FHIT: variants seen among roughly 807,000 people sequenced by gnomAD.
FHIT encodes fragile histidine triad diadenosine triphosphatase, also known as bis(5'-adenosyl)-triphosphatase.
A neutral mutation model predicts 17.9 loss-of-function variants in FHIT; 19 were observed. The ratio of observed to expected loss-of-function variants is 1.06; its 90% CI spans 0.74 to 1.56. The LOEUF is 1.56. FHIT is among the 40% of genes most tolerant of loss of function. FHIT has a pLI of 0.00. For synonymous variants in FHIT, 81 were observed against 69.7 expected (o/e 1.16, Z -0.81); for missense variants, 248 against 189.2 (o/e 1.31, Z -1.82).
intron 3 of FHIT, among the ~76,000 whole-genome samples, chr3:60,838,488 A>C (rs1553744307): frequency 2.0e-5 from 3 of 148,894 alleles, no homozygotes; most frequent in Non-Finnish European, 4.6e-5. Flanking sequence ...AAAAACAAAA[A>C]CAAACAAACA....
intron 2 of FHIT, among the ~76,000 whole-genome samples, chr3:61,137,582 C>T (rs2036954356): frequency 6.6e-6 from 1 of 152,216 alleles, no homozygotes; most frequent in Admixed American, 6.5e-5. Flanking sequence ...CCTGGGGCTA[C>T]AAAGGCCAGT....
At chr3:60,849,681 C>G (rs1703069860) in intron 3 of FHIT, among the ~76,000 whole-genome samples, 2 of 151,962 alleles carry the variant, frequency 1.3e-5, no homozygotes, top group Non-Finnish European at 2.9e-5. Context: ...AATGCCATTT[C>G]TGCCATTTAC....
chr3:60,261,954 T>G (rs1706327458), intron 5 of FHIT, among the ~76,000 whole-genome samples: 1 of 152,048 alleles, frequency 6.6e-6, no homozygotes, highest in African/African-American at 2.4e-5. Flanking sequence ...TTATTACCAT[T>G]AGACCATAAC....
chr3:60,714,320 A>C (rs12492849), intron 4 of FHIT, among the ~76,000 whole-genome samples: 127,982 of 151,740 alleles, frequency 0.84, 55,730 homozygotes, highest in East Asian at 1. Flanking sequence ...AACCCACAGC[A>C]AATATCATAC....
chr3:60,540,670 T>C (rs1424233645), intron 4 of FHIT, among the ~76,000 whole-genome samples: 1 of 152,188 alleles, frequency 6.6e-6, no homozygotes, highest in Non-Finnish European at 1.5e-5. Flanking sequence ...TTTTTTTCCT[T>C]ATTTTATATA....
At chr3:60,955,607 T>TATATATATATAC (rs1263115699) in intron 3 of FHIT, among the ~76,000 whole-genome samples, 1 of 11,546 alleles carries the variant, frequency 8.7e-5, no homozygotes, top group African/African-American at 2.3e-4. Context: ...CATATATATA[T>TATATATATATAC]ATATATATAT....
intron 3 of FHIT, among the ~76,000 whole-genome samples, chr3:60,939,678 A>G (rs1708329459): frequency 1.3e-5 from 2 of 152,196 alleles, no homozygotes; most frequent in African/African-American, 4.8e-5. Context: ...TATTTTTACT[A>G]CAGAAATTAT....
At chr3:60,495,172 G>C (rs2034245453) in intron 5 of FHIT, among the ~76,000 whole-genome samples, 1 of 151,838 alleles carries the variant, frequency 6.6e-6, no homozygotes, top group Admixed American at 6.6e-5. Context: ...ATTTTAACTG[G>C]AGTGAGATGA....
At position 60,712,627 on chromosome 3, in the gene FHIT, C is replaced by T. The variant is rs182645006; in HGVS notation, c.-18+109292G>A. On this transcript the variant is annotated intron_variant, in intron 4 of 9. Transcript: ENST00000492590. ...ACAAAAAAAGGCAAGGGTTGCAATC[C>T]TACTCTCTGATAAAACAGACTTTAA... 2.2e-4 allele frequency among the ~76,000 whole-genome samples: 33 copies of T among 152,150 alleles called. No individual in the cohort carries two copies. In the East Asian group the frequency reaches 6.2e-3, roughly 28 times the overall value.
At chr3:61,148,015 C>T (rs2107032941) in intron 2 of FHIT, among the ~76,000 whole-genome samples, 1 of 148,650 alleles carries the variant, frequency 6.7e-6, no homozygotes, top group Non-Finnish European at 1.5e-5. Context: ...CAGTTAAATA[C>T]ATATAGAAAG....
chr3:61,204,296 G>C (rs1394133832), intron 1 of FHIT, among the ~76,000 whole-genome samples: 1 of 152,106 alleles, frequency 6.6e-6, no homozygotes, highest in Non-Finnish European at 1.5e-5. Context: ...CTGGAATATG[G>C]TAATGATCTG....
intron 4 of FHIT, among the ~76,000 whole-genome samples, chr3:60,591,259 T>C (rs1293984293): frequency 1.3e-5 from 2 of 151,686 alleles, no homozygotes; most frequent in Non-Finnish European, 1.5e-5. Flanking sequence ...GCTCCCTAAT[T>C]GCCTCCCAAT....
intron 5 of FHIT, among the ~76,000 whole-genome samples, chr3:60,177,967 T>C (rs1202120008): frequency 6.6e-6 from 1 of 152,190 alleles, no homozygotes; most frequent in Non-Finnish European, 1.5e-5. Context: ...AAAAGAAAGT[T>C]AATAGTGTGA....
Position 60,860,769 on chromosome 3 carries a change from T to C in FHIT, c.-110-38758A>G. ...ATATATCAGGTATATATGATACATA[T>C]GTATCATATATCAGGTATATATGAT... On this transcript the variant is annotated intron_variant, in intron 3 of 9. Coordinates refer to ENST00000492590, the MANE Select transcript of FHIT (RefSeq NM_002012.4). Among the ~76,000 whole-genome samples, 3 of 3,044 alleles carry C rather than the reference T, an allele frequency of 9.9e-4. 1 individual carries two copies. The highest frequency in any genetic ancestry group is 0.015 in the Admixed American group (2 of 130). 2.0% of individuals were successfully genotyped at this position (3,044 alleles called of 152,430 possible).
rs185432340 is a variant in FHIT, at chr3:60,435,554, G to C, written c.103+101306C>G. On this transcript the variant is annotated intron_variant, in intron 5 of 9. Transcript: ENST00000492590. ...GGAAGCTAAAAGGCTAATACCTCCAGGGCACATAAAAGCTTAGGCCTTCTT... is the reference window on the plus strand; with the variant it reads ...GGAAGCTAAAAGGCTAATACCTCCACGGCACATAAAAGCTTAGGCCTTCTT... 2.2e-3 allele frequency among the ~76,000 whole-genome samples: 334 copies of C among 152,180 alleles called. 4 individuals are homozygous for C. Among genetic ancestry groups the C allele is most frequent in the Middle Eastern group, 0.01 (3 of 294 alleles).
At chr3:60,677,950 T>C (rs2040661179) in intron 4 of FHIT, among the ~76,000 whole-genome samples, 1 of 152,166 alleles carries the variant, frequency 6.6e-6, no homozygotes, top group Non-Finnish European at 1.5e-5. Flanking sequence ...AGATTGTGAG[T>C]GTACACTTCT....
chr3:60,927,376 C>G (rs1372253259), intron 3 of FHIT, among the ~76,000 whole-genome samples: 3 of 152,214 alleles, frequency 2.0e-5, no homozygotes, highest in Non-Finnish European at 4.4e-5. Flanking sequence ...TCCCAAAGTG[C>G]TGAGATTGCA....
intron 5 of FHIT, among the ~76,000 whole-genome samples, chr3:60,534,583 T>A (rs1367132196): frequency 6.6e-6 from 1 of 152,198 alleles, no homozygotes; most frequent in Non-Finnish European, 1.5e-5. Flanking sequence ...TGAGACTGTT[T>A]TAAATACTGC....
chr3:60,439,079 C>T (rs982213577), intron 5 of FHIT, among the ~76,000 whole-genome samples: 8 of 152,194 alleles, frequency 5.3e-5, no homozygotes, highest in African/African-American at 1.4e-4. Flanking sequence ...GAAATCTTTA[C>T]AAGGTGAGAA....
Sources: allele counts gnomAD v4.1 joint callset (sites outside exome capture counted in the v4.1 genomes callset), GRCh38; gene constraint gnomAD v4.1.1; transcripts MANE v1.5; gene names NCBI Gene and HGNC (gene_info 2026-07-23, HGNC 2026-07-21).